The following KCNN2 variants were observed in gnomAD, a reference collection of about 807,000 sequenced individuals.
KCNN2 encodes potassium calcium-activated channel subfamily N member 2.
A neutral mutation model predicts 55.5 loss-of-function variants in KCNN2; 24 were observed. The ratio of observed to expected loss-of-function variants is 0.43; its 90% CI spans 0.31 to 0.61. The LOEUF (loss-of-function observed/expected upper bound fraction) is 0.61. Ranked by LOEUF, KCNN2 falls within the 20% of genes least tolerant of loss-of-function variation. The pLI is 0.08. For synonymous variants in KCNN2, 431 were observed against 336.1 expected (o/e 1.28, Z -3.09); for missense variants, 754 against 853.6 (o/e 0.88, Z 1.45).
chr5:114,353,152 A>G (rs1757241206), intron 2 of KCNN2, among the ~76,000 whole-genome samples: 1 of 151,430 alleles, frequency 6.6e-6, no homozygotes. Flanking sequence ...CTTTGTCTCC[A>G]GTTACATTTT....
At chr5:114,134,977 A>G (rs1238777494) in intron 1 of KCNN2, among the ~76,000 whole-genome samples, 6 of 152,238 alleles carry the variant, frequency 3.9e-5, no homozygotes, top group East Asian at 1.9e-4. Flanking sequence ...TATGTAATAC[A>G]TACCTCCCAA....
intron 2 of KCNN2, among the ~76,000 whole-genome samples, chr5:114,235,118 C>G (rs1188685433): frequency 3.3e-5 from 5 of 152,144 alleles, no homozygotes; most frequent in Non-Finnish European, 5.9e-5. Flanking sequence ...TCAAAGTCAC[C>G]TCTCTGAGCA....
At chr5:114,132,222 T>A (rs187648058) in intron 1 of KCNN2, among the ~76,000 whole-genome samples, 7 of 152,320 alleles carry the variant, frequency 4.6e-5, no homozygotes, top group African/African-American at 1.7e-4. Context: ...ATGTCCTGAA[T>A]GGTAGTGCCT....
At chr5:114,346,940 C>G (rs77005653) in intron 2 of KCNN2, among the ~76,000 whole-genome samples, 1 of 152,028 alleles carries the variant, frequency 6.6e-6, no homozygotes, top group Non-Finnish European at 1.5e-5. Context: ...CCTGAAGGAG[C>G]TTTTAATGGC....
chr5:114,422,088 T>C (rs1188664200), intron 3 of KCNN2, among the ~76,000 whole-genome samples: 2 of 152,218 alleles, frequency 1.3e-5, no homozygotes, highest in Non-Finnish European at 2.9e-5. Context: ...ATTAGTTTTT[T>C]CCAACATCAG....
chr5:114,449,001 G>T (rs1018495930), intron 3 of KCNN2, among the ~76,000 whole-genome samples: 1 of 152,034 alleles, frequency 6.6e-6, no homozygotes, highest in Non-Finnish European at 1.5e-5. Flanking sequence ...GTCCTCCCTC[G>T]GCCTGCCACC....
At chr5:114,139,619 A>G (rs940304920) in intron 1 of KCNN2, among the ~76,000 whole-genome samples, 5 of 150,392 alleles carry the variant, frequency 3.3e-5, no homozygotes, top group Non-Finnish European at 5.9e-5. Context: ...ATAAAAATAT[A>G]GTTTTATAGA....
chr5:114,166,223 C>T (rs529624947), intron 1 of KCNN2, among the ~76,000 whole-genome samples: 2 of 152,150 alleles, frequency 1.3e-5, no homozygotes, highest in South Asian at 2.1e-4. Flanking sequence ...TTCTCTTTCC[C>T]CTCTGTCTTT....
At chr5:114,271,878 A>G (rs564953408) in intron 2 of KCNN2, among the ~76,000 whole-genome samples, 5 of 152,258 alleles carry the variant, frequency 3.3e-5, no homozygotes, top group African/African-American at 7.2e-5. Context: ...TTTATCACCT[A>G]TAAAATATGG....
intron 2 of KCNN2, among the ~76,000 whole-genome samples, chr5:114,247,307 G>A (rs1754767818): frequency 6.6e-6 from 1 of 151,296 alleles, no homozygotes; most frequent in Non-Finnish European, 1.5e-5. Context: ...TTCTACACAT[G>A]CTGGCTCCTT....
At chr5:114,304,887 G>T (rs1756236698) in intron 2 of KCNN2, among the ~76,000 whole-genome samples, 1 of 152,158 alleles carries the variant, frequency 6.6e-6, no homozygotes, top group Admixed American at 6.5e-5. Context: ...AGTGTTAAGG[G>T]TTTTGAGTTG....
intron 1 of KCNN2, among the ~76,000 whole-genome samples, chr5:114,124,809 A>C (rs142794083): frequency 8.5e-5 from 13 of 152,186 alleles, no homozygotes; most frequent in Non-Finnish European, 1.9e-4. Context: ...TCCTGTCCAC[A>C]TTATGTAAAA....
intron 1 of KCNN2, among the ~76,000 whole-genome samples, chr5:114,139,786 A>G (rs1360376556): frequency 6.6e-6 from 1 of 151,808 alleles, no homozygotes; most frequent in East Asian, 1.9e-4. Context: ...AAAATATATC[A>G]TAGACTTTGT....
At chr5:114,450,782 C>T (rs1042104173) in intron 3 of KCNN2, among the ~76,000 whole-genome samples, 14 of 152,096 alleles carry the variant, frequency 9.2e-5, no homozygotes, top group African/African-American at 3.1e-4. Flanking sequence ...CTGCCTTGGG[C>T]CAGGGATGCT....
intron 2 of KCNN2, among the ~76,000 whole-genome samples, chr5:114,366,934 T>C (rs554759114): frequency 3.1e-4 from 47 of 152,232 alleles, no homozygotes; most frequent in Non-Finnish European, 5.9e-4. Flanking sequence ...CATATCAGTA[T>C]GATAATCAGA....
chr5:114,313,511 G>T (rs1756444624), intron 2 of KCNN2, among the ~76,000 whole-genome samples: 1 of 152,086 alleles, frequency 6.6e-6, no homozygotes, highest in Non-Finnish European at 1.5e-5. Context: ...TGATAAAAAG[G>T]TGCTGACGTG....
At chr5:114,411,491 A>G (rs1759132669) in intron 3 of KCNN2, among the ~76,000 whole-genome samples, 1 of 152,148 alleles carries the variant, frequency 6.6e-6, no homozygotes. Flanking sequence ...AAAGCCTCAG[A>G]TCCAAGGAAG....
intron 4 of KCNN2, among the ~76,000 whole-genome samples, chr5:114,467,372 C>T (rs1196917372): frequency 6.6e-6 from 1 of 152,156 alleles, no homozygotes; most frequent in Non-Finnish European, 1.5e-5. Flanking sequence ...GAAGCCATTC[C>T]TTAGTGTTGA....
At chr5:114,293,152 C>T (rs1755932123) in intron 2 of KCNN2, among the ~76,000 whole-genome samples, 1 of 152,198 alleles carries the variant, frequency 6.6e-6, no homozygotes, top group Non-Finnish European at 1.5e-5. Context: ...GACAATTTGA[C>T]TTCCTCTTTT....
Sources: gnomAD v4.1 joint callset for allele counts (sites outside exome capture counted in the v4.1 genomes callset) on GRCh38, gnomAD v4.1.1 for gene constraint, MANE v1.5 for transcripts, NCBI Gene and HGNC (gene_info 2026-07-23, HGNC 2026-07-21) for gene names.